Variants in KLF7 observed in about 807,000 individuals in gnomAD.
KLF7 encodes the protein Krueppel-like factor 7.
A neutral mutation model predicts 27.3 loss-of-function variants in KLF7; 2 were observed. That is an observed-to-expected ratio of 0.07 (90% confidence interval 0.03 to 0.23). The LOEUF (loss-of-function observed/expected upper bound fraction) is 0.23, where lower values mean the gene tolerates loss of function less well. KLF7 is among the 10% of genes least tolerant of loss of function. The pLI, the probability that KLF7 is intolerant of heterozygous loss-of-function variation, is 1.00. For synonymous variants in KLF7, 165 were observed against 162.4 expected (o/e 1.02, Z -0.12); for missense variants, 221 against 394.1 (o/e 0.56, Z 3.72).
rs59847589 is a variant in KLF7 at position 207,081,061 on chromosome 2, A to ATGTGTGTG, written c.*144_*151dup. On this transcript the variant is annotated 3_prime_UTR_variant, in exon 4 of 4. Transcript: ENST00000309446. ...TGTGTGGGTCTGTGAGTGTGTGTATATGTGTGTGTGTGTGTGTGTGTGTAC... is the reference window on the plus strand; with the variant it reads ...TGTGTGGGTCTGTGAGTGTGTGTATATGTGTGTGTGTGTGTGTGTGTGTGTGTGTGTAC... 87 of 671,338 alleles carry ATGTGTGTG rather than the reference A, an allele frequency of 1.3e-4. No individual in the cohort carries two copies. Among genetic ancestry groups the ATGTGTGTG allele is most frequent in the African/African-American group, 4.7e-4 (26 of 55,660 alleles). 41.6% of individuals were successfully genotyped at this position (671,338 alleles called of 1,614,324 possible).
chr2:207,165,407 C>T (rs895746856), intron 1 of KLF7, 60 bp downstream of exon 1: 3 of 1,611,832 alleles, frequency 1.9e-6, no homozygotes, highest in Admixed American at 1.7e-5. Context: ...CCCACACCAA[C>T]GCAGCCCCTG....
At chr2:207,170,299 G>T (rs1251121848), upstream of KLF7, among the ~76,000 whole-genome samples, 6 of 152,134 alleles carry the variant, frequency 3.9e-5, no homozygotes, top group South Asian at 1.2e-3. Context: ...TCAATATTAC[G>T]AAGGATGAGA....
At chr2:207,148,433 C>T (rs527983438) in intron 1 of KLF7, among the ~76,000 whole-genome samples, 30 of 152,160 alleles carry the variant, frequency 2.0e-4, no homozygotes, top group Non-Finnish European at 3.2e-4. Context: ...TGCGGTACTG[C>T]TTCCCATGGT....
chr2:207,147,075 G>T (rs978862454), intron 1 of KLF7, among the ~76,000 whole-genome samples: 2 of 152,138 alleles, frequency 1.3e-5, no homozygotes, highest in African/African-American at 4.8e-5. Flanking sequence ...ACCTCTGTCT[G>T]GTTCCTATAC....
Position 207,132,318 on chromosome 2 carries a change from A to G in KLF7, c.103-7914T>C, listed in dbSNP as rs147444965. On this transcript the variant is annotated intron_variant, in intron 1 of 3. Coordinates refer to ENST00000309446, the MANE Select transcript of KLF7 (RefSeq NM_003709.4). ...TGCATTGCTTTCCACTGTTTCTCAC[A>G]TCTACTGGTTGCTAGAGCTGAAACC... is the stretch of plus-strand genomic sequence containing the variant. Among the ~76,000 whole-genome samples the G allele has an allele frequency of 3.4e-3, 512 of 152,352 alleles. 4 individuals are homozygous for G. Among genetic ancestry groups the G allele is most frequent in the African/African-American group, 0.011 (462 of 41,584 alleles).
At chr2:207,132,049 A>G (rs371621444) in intron 1 of KLF7, among the ~76,000 whole-genome samples, 3 of 152,360 alleles carry the variant, frequency 2.0e-5, no homozygotes, top group African/African-American at 7.2e-5. Flanking sequence ...GATATTAAGC[A>G]TATGTTCACT....
At chr2:207,140,670 C>A (rs923559771) in intron 1 of KLF7, among the ~76,000 whole-genome samples, 3 of 152,112 alleles carry the variant, frequency 2.0e-5, no homozygotes, top group Non-Finnish European at 2.9e-5. Context: ...CTCAAGGGCA[C>A]AATTTACACT....
chr2:207,111,848 C>T (rs2077046989), intron 2 of KLF7, among the ~76,000 whole-genome samples: 2 of 152,164 alleles, frequency 1.3e-5, no homozygotes. Flanking sequence ...TCAAAGACCC[C>T]TGCCCTGGGT....
chr2:207,092,469 G>A (rs941526101), intron 2 of KLF7, among the ~76,000 whole-genome samples: 3 of 152,206 alleles, frequency 2.0e-5, no homozygotes, highest in African/African-American at 7.2e-5. Flanking sequence ...TTGTTTCCCT[G>A]GGGGAGTAGT....
At chr2:207,134,233 G>C in intron 1 of KLF7, 1 of 970,260 alleles carries the variant, frequency 1.0e-6, no homozygotes, top group Non-Finnish European at 1.5e-6. Flanking sequence ...TTCTCAGTTG[G>C]GTTAATTAAT....
Position 207,165,686 on chromosome 2 carries a change from G to T in KLF7, c.-118C>A. 6.6e-7 allele frequency: 1 copy of T among 1,505,310 alleles called. No homozygotes were observed. Among genetic ancestry groups the T allele is most frequent in the Non-Finnish European group, 8.9e-7 (1 of 1,129,330 alleles). The allele number at this position is 1,505,310 out of a possible 1,614,324, so 93.2% of individuals were successfully genotyped here. ...AAGGCAGACATCCAGTGGCCCTTTT[G>T]TTTTGTTTTGTTTCAGTCAACTAAA... is the stretch of plus-strand genomic sequence containing the variant. On this transcript the variant is annotated 5_prime_UTR_variant, in exon 1 of 4. Transcript: ENST00000309446.
chr2:207,081,374 C>T, intron 3 of KLF7, 110 bp from the exon 4 acceptor site: 1 of 937,206 alleles, frequency 1.1e-6, no homozygotes, highest in Non-Finnish European at 1.7e-6. Context: ...AGTGCACATG[C>T]ATTGAGAAAC....
chr2:207,088,273 C>T (rs1322172390), intron 3 of KLF7, among the ~76,000 whole-genome samples, 185 bp downstream of exon 3: 1 of 152,198 alleles, frequency 6.6e-6, no homozygotes, highest in Non-Finnish European at 1.5e-5. Context: ...TTCACACCAC[C>T]TCTTGATTTC....
At chr2:207,153,678 T>A (rs1006830837) in intron 1 of KLF7, among the ~76,000 whole-genome samples, 16 of 151,804 alleles carry the variant, frequency 1.1e-4, no homozygotes, top group African/African-American at 3.6e-4. Context: ...CTCAGTGAGA[T>A]ATATCAAGTA....
Position 207,080,563 on chromosome 2 carries a change from G to A in KLF7, c.*650C>T, listed in dbSNP as rs755167935. On this transcript the variant is annotated 3_prime_UTR_variant, in exon 4 of 4. Coordinates refer to ENST00000309446, the MANE Select transcript of KLF7 (RefSeq NM_003709.4). Reference sequence around the variant, plus strand: ...CCGCTAAGGCCGTTGGGATCGACGCGAAAGATCTCAATAGTACTAAGAACC... The same window carrying A: ...CCGCTAAGGCCGTTGGGATCGACGCAAAAGATCTCAATAGTACTAAGAACC... The A allele has an allele frequency of 1.5e-5, 5 of 333,236 alleles. No individual in the cohort carries two copies. Among genetic ancestry groups the A allele is most frequent in the Non-Finnish European group, 2.2e-5 (4 of 185,336 alleles). The allele number at this position is 333,236 out of a possible 1,614,324, so 20.6% of individuals were successfully genotyped here. A position where few individuals can be genotyped will look rare whatever the true frequency, so the allele number is the denominator to read the frequency against.
upstream of KLF7, among the ~76,000 whole-genome samples, chr2:207,171,410 A>G (rs2078783157): frequency 6.6e-6 from 1 of 152,204 alleles, no homozygotes; most frequent in Non-Finnish European, 1.5e-5. Context: ...TGAGTTGATA[A>G]GGTAATCACA....
At chr2:207,100,386 C>G (rs1348253593) in intron 2 of KLF7, among the ~76,000 whole-genome samples, 1 of 152,134 alleles carries the variant, frequency 6.6e-6, no homozygotes, top group Middle Eastern at 3.2e-3. Flanking sequence ...GTACCTTACT[C>G]AAATATAAAG....
intron 1 of KLF7, among the ~76,000 whole-genome samples, chr2:207,159,483 G>A (rs2078481072): frequency 6.6e-6 from 1 of 152,038 alleles, no homozygotes; most frequent in African/African-American, 2.4e-5. Context: ...ACTTAATTTT[G>A]AACATGCTTT....
At chr2:207,145,043 C>T (rs1201688009) in intron 1 of KLF7, among the ~76,000 whole-genome samples, 1 of 152,190 alleles carries the variant, frequency 6.6e-6, no homozygotes, top group African/African-American at 2.4e-5. Context: ...ACAGTGACAA[C>T]TCACCAGTCC....
Sources: allele counts gnomAD v4.1 joint callset (sites outside exome capture counted in the v4.1 genomes callset), GRCh38; gene constraint gnomAD v4.1.1; transcripts MANE v1.5; gene names NCBI Gene and HGNC (gene_info 2026-07-23, HGNC 2026-07-21).